The following ARHGAP32 variants were observed in gnomAD, a reference collection of about 807,000 sequenced individuals.
ARHGAP32 encodes the protein rho GTPase-activating protein 32.
Under a neutral mutation model 186.5 loss-of-function variants are expected in ARHGAP32, and 51 were observed. That is an observed-to-expected ratio of 0.27 (90% CI 0.22 to 0.35). ARHGAP32 has a LOEUF of 0.35. Ranked by LOEUF, ARHGAP32 falls within the 10% of genes least tolerant of loss-of-function variation. The pLI is 1.00. For synonymous variants in ARHGAP32, 950 were observed against 964.3 expected (o/e 0.99, Z 0.27); for missense variants, 2,186 against 2,623.5 (o/e 0.83, Z 3.64).
chr11:129,253,166 T>A (rs1484134818), intron 1 of ARHGAP32, among the ~76,000 whole-genome samples: 3 of 152,192 alleles, frequency 2.0e-5, no homozygotes, highest in African/African-American at 7.2e-5. Context: ...AACTGCCAGA[T>A]AAAGATCCAT....
chr11:129,088,937 G>A (rs1246631918), intron 6 of ARHGAP32, among the ~76,000 whole-genome samples: 2 of 143,816 alleles, frequency 1.4e-5, no homozygotes, highest in Non-Finnish European at 3.0e-5. Flanking sequence ...GGTCGAGGCT[G>A]TAGTGAACTG....
chr11:129,056,259 TA>T (rs2135107779), intron 10 of ARHGAP32, among the ~76,000 whole-genome samples: 1 of 152,354 alleles, frequency 6.6e-6, no homozygotes, highest in South Asian at 2.1e-4. Context: ...AATCTGTAAC[TA>T]TACAAAAATC....
At position 129,192,010 on chromosome 11, in the gene ARHGAP32, G is replaced by A. The variant is rs900128710; in HGVS notation, c.116+73C>T. On this transcript the variant is annotated intron_variant, in intron 1 of 22. Coordinates refer to ENST00000682385, the MANE Select transcript of ARHGAP32 (RefSeq NM_001378024.1). ...GTCTTATTGGAAAAAAGACCGAAAT[G>A]CAGAGAAGAAAAAGGGGTGCGGGTG... 8.1e-6 allele frequency: 9 copies of A among 1,111,156 alleles called. No individual in the cohort carries two copies. In the African/African-American group the frequency reaches 9.3e-5, roughly 12 times the overall value. 68.8% of individuals were successfully genotyped at this position (1,111,156 alleles called of 1,614,324 possible).
intron 1 of ARHGAP32, among the ~76,000 whole-genome samples, chr11:129,189,371 A>T (rs1944230010): frequency 6.6e-6 from 1 of 152,214 alleles, no homozygotes; most frequent in South Asian, 2.1e-4. Flanking sequence ...CCTGCTTTAT[A>T]GGAGTGATAA....
At chr11:129,111,039 C>G (rs901710171) in intron 5 of ARHGAP32, among the ~76,000 whole-genome samples, 11 of 152,124 alleles carry the variant, frequency 7.2e-5, no homozygotes, top group Non-Finnish European at 1.5e-4. Flanking sequence ...TTTTCCCCAT[C>G]CAGTATGATG....
intron 2 of ARHGAP32, among the ~76,000 whole-genome samples, chr11:129,128,270 T>C (rs1426269401): frequency 6.6e-6 from 1 of 152,222 alleles, no homozygotes; most frequent in Admixed American, 6.5e-5. Context: ...AATTGCCATG[T>C]AGTGTTCTCT....
At chr11:129,227,244 C>T (rs1226359557) in intron 1 of ARHGAP32, among the ~76,000 whole-genome samples, 1 of 151,524 alleles carries the variant, frequency 6.6e-6, no homozygotes, top group Non-Finnish European at 1.5e-5. Flanking sequence ...CCAGGGCAAC[C>T]ACTAACAAAA....
upstream of ARHGAP32, among the ~76,000 whole-genome samples, chr11:129,193,623 TAATA>T (rs1944332683): frequency 2.5e-5 from 2 of 79,120 alleles, no homozygotes; most frequent in African/African-American, 1.0e-4. Context: ...ATATGTTATA[TAATA>T]TATATAATAT....
intron 6 of ARHGAP32, among the ~76,000 whole-genome samples, chr11:129,067,578 C>G (rs1217342261): frequency 3.3e-5 from 5 of 152,074 alleles, no homozygotes; most frequent in Non-Finnish European, 7.4e-5. Flanking sequence ...TCCTCCCCTG[C>G]ACCCCCAACT....
chr11:129,044,592 A>T (rs766004874), intron 10 of ARHGAP32, among the ~76,000 whole-genome samples: 1 of 152,196 alleles, frequency 6.6e-6, no homozygotes, highest in Non-Finnish European at 1.5e-5. Flanking sequence ...CATCAAATGG[A>T]TATTACACAA....
Position 128,970,659 on chromosome 11 carries a change from G to C in ARHGAP32, c.4554C>G (p.Pro1518=). 1 of 1,614,142 alleles carries C rather than the reference G, an allele frequency of 6.2e-7. No homozygotes were observed. Among genetic ancestry groups the C allele is most frequent in the Non-Finnish European group, 8.5e-7 (1 of 1,180,022 alleles). The stretch of plus-strand genomic sequence containing the variant: ...TATTGTGATGGGGAGGTACACTCTG[G>C]GGACGGTACTGGCAGTTTGGAGTCA... The part of the protein sequence containing the change: ...FNMTPNCQYR[P]QSVPPHHNKL... The change falls in exon 23 of 23, where the codon CCC becomes CCG. Residue 1518 remains proline, a synonymous_variant. Transcript: ENST00000682385. This position sits in a 1 kb window ranked among gnomAD's most constrained non-coding sequence, Gnocchi z 5.8.
intron 5 of ARHGAP32, among the ~76,000 whole-genome samples, chr11:129,096,522 C>A (rs1941733042): frequency 6.6e-6 from 1 of 152,084 alleles, no homozygotes; most frequent in Non-Finnish European, 1.5e-5. Context: ...TCCCTATACC[C>A]CCCCGGCCCC....
At chr11:129,162,676 G>A (rs536929350) in intron 2 of ARHGAP32, among the ~76,000 whole-genome samples, 18 of 152,032 alleles carry the variant, frequency 1.2e-4, no homozygotes, top group Non-Finnish European at 2.4e-4. Context: ...CATTTATTAC[G>A]GAACACTAAA....
At chr11:129,135,285 T>C (rs1942910614) in intron 2 of ARHGAP32, among the ~76,000 whole-genome samples, 1 of 152,184 alleles carries the variant, frequency 6.6e-6, no homozygotes, top group Non-Finnish European at 1.5e-5. Flanking sequence ...TGTAAAAGTA[T>C]AATAACTAAG....
chr11:129,158,614 A>G (rs952551628), intron 2 of ARHGAP32, among the ~76,000 whole-genome samples: 1 of 152,154 alleles, frequency 6.6e-6, no homozygotes, highest in Non-Finnish European at 1.5e-5. Context: ...TAACAGTGGG[A>G]GACTTTAACA....
At chr11:129,116,342 T>A (rs1441958480) in intron 5 of ARHGAP32, among the ~76,000 whole-genome samples, 1 of 152,074 alleles carries the variant, frequency 6.6e-6, no homozygotes, top group Admixed American at 6.6e-5. Flanking sequence ...TTGGACTGAA[T>A]AATCTCAAAC....
intron 1 of ARHGAP32, among the ~76,000 whole-genome samples, chr11:129,167,021 C>T (rs1308807565): frequency 6.6e-6 from 1 of 151,800 alleles, no homozygotes; most frequent in Non-Finnish European, 1.5e-5. Flanking sequence ...CTATAGTGAA[C>T]ACTAGAAGAA....
chr11:129,052,928 C>T (rs967110833), intron 10 of ARHGAP32, among the ~76,000 whole-genome samples: 2 of 151,778 alleles, frequency 1.3e-5, no homozygotes, highest in African/African-American at 4.8e-5. Flanking sequence ...AAATACTTGT[C>T]ATAAAGAGGG....
intron 5 of ARHGAP32, among the ~76,000 whole-genome samples, chr11:129,114,907 T>C (rs1363596589): frequency 6.6e-6 from 1 of 152,162 alleles, no homozygotes; most frequent in East Asian, 1.9e-4. Context: ...AGAAAAGTTC[T>C]TTCTCCATAT....
Sources: gnomAD v4.1 joint callset for allele counts (sites outside exome capture counted in the v4.1 genomes callset) on GRCh38, gnomAD v4.1.1 for gene constraint, Gnocchi (gnomAD v3.1) non-coding constraint, MANE v1.5 for transcripts, NCBI Gene and HGNC (gene_info 2026-07-23, HGNC 2026-07-21) for gene names.